The following SH3BGRL variants were observed in gnomAD, a reference collection of about 807,000 sequenced individuals.
The protein encoded by SH3BGRL is adapter SH3BGRL.
A neutral mutation model predicts 9.8 loss-of-function variants in SH3BGRL; 7 were observed. The ratio of observed to expected loss-of-function variants is 0.72; its 90% CI spans 0.41 to 1.35. The LOEUF (loss-of-function observed/expected upper bound fraction) is 1.35, where lower values mean the gene tolerates loss of function less well. Ranked by LOEUF, SH3BGRL falls within the 40% of genes most tolerant of loss-of-function variation. The probability of loss-of-function intolerance (pLI) is 0.01; values close to 1 mark genes in which losing one functional copy is unlikely to be tolerated. For synonymous variants in SH3BGRL, 36 were observed against 29.1 expected, an observed-to-expected ratio of 1.24 and a Z score of -0.76; for missense variants, 73 against 84.4, an observed-to-expected ratio of 0.86 and a Z score of 0.53.
intron 1 of SH3BGRL, among the ~76,000 whole-genome samples, chrX:81,257,522 C>T (rs746451710): frequency 8.9e-6 from 1 of 111,995 alleles, no homozygotes; most frequent in East Asian, 2.8e-4. Context: ...AATCTGATGG[C>T]TCCACTATGG....
At chrX:81,242,573 G>A (rs1476092733) in intron 1 of SH3BGRL, among the ~76,000 whole-genome samples, 2 of 111,741 alleles carry the variant, frequency 1.8e-5, no homozygotes, top group East Asian at 2.8e-4. Context: ...GAACAACTGC[G>A]ATCACATCAT....
chrX:81,230,699 A>T (rs2075630339), intron 1 of SH3BGRL, among the ~76,000 whole-genome samples: 1 of 111,682 alleles, frequency 9.0e-6, no homozygotes. Context: ...AAACTTTATA[A>T]ACTCTAAAAT....
chrX:81,292,245 T>G (rs898462071), intron 3 of SH3BGRL, among the ~76,000 whole-genome samples: 1 of 112,163 alleles, frequency 8.9e-6, no homozygotes, highest in Non-Finnish European at 1.9e-5. Flanking sequence ...CTCTGAAATC[T>G]AGGCCGTGAC....
chrX:81,244,222 G>T (rs1020526633), intron 1 of SH3BGRL, among the ~76,000 whole-genome samples: 2 of 111,522 alleles, frequency 1.8e-5, no homozygotes, highest in Non-Finnish European at 3.8e-5. Flanking sequence ...CCAAGAAAAA[G>T]GAGTGCTGGG....
intron 1 of SH3BGRL, among the ~76,000 whole-genome samples, chrX:81,247,363 T>C (rs1018637441): frequency 1.8e-5 from 2 of 111,972 alleles, no homozygotes; most frequent in African/African-American, 6.5e-5. Flanking sequence ...GTGATGACAG[T>C]GGGCATCCTT....
At chrX:81,232,433 T>C (rs529089852) in intron 1 of SH3BGRL, among the ~76,000 whole-genome samples, 117 of 109,577 alleles carry the variant, frequency 1.1e-3, no homozygotes, top group Middle Eastern at 9.3e-3. Context: ...ATGATGATGA[T>C]AAGGAAGATG....
intron 3 of SH3BGRL, among the ~76,000 whole-genome samples, chrX:81,291,355 A>G (rs1481753834): frequency 7.2e-5 from 8 of 111,439 alleles, no homozygotes; most frequent in Non-Finnish European, 1.3e-4. Flanking sequence ...AAGCACATCT[A>G]CACTTGTTGG....
intron 1 of SH3BGRL, among the ~76,000 whole-genome samples, chrX:81,204,169 A>T (rs2075538698): frequency 8.9e-6 from 1 of 112,288 alleles, no homozygotes; most frequent in Admixed American, 9.4e-5. Context: ...ATGAGTAGTT[A>T]GAAATTTATT....
chrX:81,257,062 A>G (rs1042313724), intron 1 of SH3BGRL, among the ~76,000 whole-genome samples: 1 of 102,313 alleles, frequency 9.8e-6, no homozygotes, highest in Non-Finnish European at 2.0e-5. Flanking sequence ...TTCTCTACAT[A>G]TTTATAGAAT....
At position 81,278,339 on chromosome X, in the gene SH3BGRL, T is replaced by C. The variant is rs2075805063; in HGVS notation, c.240T>C (p.Asp80=). The part of the protein sequence containing the change: ...FNESQYRGDY[D]AFFEARENNA... ...ATCTTCTTTTCATCAAGGACTATGA[T>C]GCCTTCTTTGAAGCCAGAGAAAATA... is the stretch of plus-strand genomic sequence containing the variant. Residue 80 remains aspartate, a synonymous_variant, in exon 3 of 4, where the codon GAT becomes GAC. Transcript: ENST00000373212. The C allele has an allele frequency of 8.5e-7, 1 of 1,183,013 alleles. No homozygotes were observed. Among genetic ancestry groups the C allele is most frequent in the African/African-American group, 1.8e-5 (1 of 56,588 alleles).
intron 3 of SH3BGRL, among the ~76,000 whole-genome samples, chrX:81,288,415 A>G (rs1022122221): frequency 1.3e-4 from 15 of 112,180 alleles, no homozygotes; most frequent in African/African-American, 4.9e-4. Flanking sequence ...GTTATTTAAC[A>G]TAGTACTGGG....
intron 1 of SH3BGRL, among the ~76,000 whole-genome samples, chrX:81,271,127 G>A (rs1331163318): frequency 8.9e-6 from 1 of 111,748 alleles, no homozygotes; most frequent in African/African-American, 3.3e-5. Flanking sequence ...GGGCAGGAGT[G>A]TACTTCTCCT....
At chrX:81,234,825 T>G (rs750309812) in intron 1 of SH3BGRL, among the ~76,000 whole-genome samples, 1 of 112,008 alleles carries the variant, frequency 8.9e-6, no homozygotes, top group South Asian at 3.7e-4. Context: ...TTCCTTTGCC[T>G]TTTAGATTTT....
rs1055980039 is a variant in SH3BGRL, at chrX:81,297,549, G to A, written c.*322G>A. On this transcript the variant is annotated 3_prime_UTR_variant, in exon 4 of 4. Transcript: ENST00000373212. ...CCTTCCCTCCTTCTGCCATTACTATGGCAACTTAAGTGTATCTGCAGCTCT... is the reference window on the plus strand; with the variant it reads ...CCTTCCCTCCTTCTGCCATTACTATAGCAACTTAAGTGTATCTGCAGCTCT... The A allele has an allele frequency of 4.1e-5, 6 of 145,633 alleles. No individual in the cohort carries two copies. Among genetic ancestry groups the A allele is most frequent in the Non-Finnish European group, 7.9e-5 (6 of 75,654 alleles). The allele number at this position is 145,633 out of a possible 1,213,427, so 12.0% of individuals were successfully genotyped here.
chrX:81,297,310 A>G lies in SH3BGRL; in HGVS notation c.*83A>G, dbSNP rs1024396039. 7 of 758,057 alleles carry G rather than the reference A, an allele frequency of 9.2e-6. No homozygotes were observed. Among genetic ancestry groups the G allele is most frequent in the Non-Finnish European group, 1.4e-5 (7 of 513,507 alleles). 62.5% of individuals were successfully genotyped at this position (758,057 alleles called of 1,213,427 possible). On this transcript the variant is annotated 3_prime_UTR_variant, in exon 4 of 4. Coordinates refer to ENST00000373212, the MANE Select transcript of SH3BGRL (RefSeq NM_003022.3). ...ATAGCAGAATTAGCTTTGCTTCAAAAGAAATAGGCTTAATGTTGAAATAAT... is the reference window on the plus strand; with the variant it reads ...ATAGCAGAATTAGCTTTGCTTCAAAGGAAATAGGCTTAATGTTGAAATAAT...
At chrX:81,275,258 T>A (rs944691191) in intron 1 of SH3BGRL, among the ~76,000 whole-genome samples, 1 of 110,503 alleles carries the variant, frequency 9.0e-6, no homozygotes, top group Non-Finnish European at 1.9e-5. Context: ...AAAAAAAAAA[T>A]CTGTTGGAAT....
At chrX:81,203,969 G>A (rs970649682) in intron 1 of SH3BGRL, among the ~76,000 whole-genome samples, 2 of 109,890 alleles carry the variant, frequency 1.8e-5, no homozygotes, top group African/African-American at 6.6e-5. Context: ...CAAGGTTTGG[G>A]GTACCATTGA....
intron 3 of SH3BGRL, among the ~76,000 whole-genome samples, chrX:81,295,255 C>T (rs908740734): frequency 2.0e-4 from 22 of 111,715 alleles, no homozygotes; most frequent in Admixed American, 7.6e-4. Flanking sequence ...ACCCAAATCT[C>T]ATCTTGAGTT....
chrX:81,278,338 A>T lies in SH3BGRL; in HGVS notation c.239A>T (p.Asp80Val). The T allele has an allele frequency of 1.7e-6, 2 of 1,185,522 alleles. No individual in the cohort carries two copies. Among genetic ancestry groups the T allele is most frequent in the Non-Finnish European group, 2.3e-6 (2 of 875,681 alleles). ...TATCTTCTTTTCATCAAGGACTATG[A>T]TGCCTTCTTTGAAGCCAGAGAAAAT... ...FNESQYRGDY[D>V]AFFEARENNA... Residue 80 changes from aspartate (D) to valine (V), a missense_variant, in exon 3 of 4, where the codon GAT becomes GTT. Transcript: ENST00000373212.
Sources: gnomAD v4.1 joint callset for allele counts (sites outside exome capture counted in the v4.1 genomes callset) on GRCh38, gnomAD v4.1.1 for gene constraint, MANE v1.5 for transcripts, NCBI Gene and HGNC (gene_info 2026-07-23, HGNC 2026-07-21) for gene names.